Variants in SMC2 observed in about 807,000 individuals in gnomAD.
The protein encoded by SMC2 is structural maintenance of chromosomes protein 2.
Under a neutral mutation model 142.6 loss-of-function variants are expected in SMC2, and 41 were observed. The observed-to-expected ratio is 0.29, with a 90% CI of 0.22 to 0.37. The LOEUF is 0.37. SMC2 is among the 10% of genes least tolerant of loss of function. The pLI is 1.00. For missense variants in SMC2, 1,265 were observed against 1,373.7 expected (o/e 0.92, Z 1.25); for synonymous variants, 463 against 457.5 (o/e 1.01, Z -0.15).
At chr9:104,088,679 C>A in the SMC2 span, among the ~76,000 whole-genome samples, 1 of 152,224 alleles carries the variant, frequency 6.6e-6, no homozygotes, top group East Asian at 1.9e-4. Context: ...CTACTTCTTG[C>A]ATCATACATT....
In SMC2 at chr9:104,134,542, A is replaced by C. The variant is rs982032741; in HGVS notation, c.3236A>C (p.Lys1079Thr). ...AAGGTTGCCTTGGGAAATACCTGGA[A>C]AGAAAACCTAACTGAACTTAGTGGT... ...EFKVALGNTW[K>T]ENLTELSGGQ... Residue 1079 changes from lysine (K) to threonine (T), a missense_variant, in exon 23 of 25, where the codon AAA (lysine) becomes ACA (threonine). By Grantham distance (78) the Lys-to-Thr change is moderately conservative. Around this residue, in one of 4 missense-constraint regions of SMC2, gnomAD observed 192 missense variants for 261.9 expected, o/e 0.73. Coordinates refer to ENST00000374793, the MANE Select transcript of SMC2 (RefSeq NM_006444.3). 3.1e-6 allele frequency: 5 copies of C among 1,610,386 alleles called. No individual in the cohort carries two copies. In the African/African-American group the frequency reaches 5.4e-5, roughly 17 times the overall value.
chr9:104,089,616 A>G (rs78165194), upstream of SMC2, among the ~76,000 whole-genome samples: 24,607 of 152,116 alleles, frequency 0.16, 2,227 homozygotes, highest in African/African-American at 0.2. Context: ...AAACGAATAT[A>G]AAACAAGTAA....
chr9:104,132,813 A>G (rs1046540778), intron 22 of SMC2, among the ~76,000 whole-genome samples: 6 of 150,568 alleles, frequency 4.0e-5, no homozygotes, highest in Non-Finnish European at 8.9e-5. Flanking sequence ...AGTGTGCAGC[A>G]TGTCGATTTA....
intron 23 of SMC2, among the ~76,000 whole-genome samples, chr9:104,134,925 T>C (rs1835370127): frequency 1.3e-5 from 2 of 152,102 alleles, no homozygotes. Flanking sequence ...GTCAGTAGTA[T>C]CACTAAGTTA....
intron 22 of SMC2, among the ~76,000 whole-genome samples, chr9:104,134,055 G>A (rs1372616096): frequency 1.3e-5 from 2 of 151,996 alleles, no homozygotes; most frequent in Non-Finnish European, 2.9e-5. Context: ...TTCCTGCAGT[G>A]TGTTCTACAA....
chr9:104,122,763 AATTAATC>A (rs1348354566), intron 16 of SMC2, among the ~76,000 whole-genome samples: 1 of 152,142 alleles, frequency 6.6e-6, no homozygotes, highest in Non-Finnish European at 1.5e-5. Flanking sequence ...TAATTGTTAT[AATTAATC>A]ATTTTTCGTG....
chr9:104,139,161 A>G lies in SMC2; in HGVS notation c.3440A>G (p.Glu1147Gly), dbSNP rs1186785479. 2 of 1,571,174 alleles carry G rather than the reference A, an allele frequency of 1.3e-6. No homozygotes were observed. Among genetic ancestry groups the G allele is most frequent in the Non-Finnish European group, 1.7e-6 (2 of 1,167,362 alleles). Reference sequence around the variant, plus strand: ...AAGTTCATTGTGGTGTCACTAAAAGAAGGTATGTTCAACAATGCAAACGTT... The same window carrying G: ...AAGTTCATTGTGGTGTCACTAAAAGGAGGTATGTTCAACAATGCAAACGTT... ...HSQFIVVSLK[E>G]GMFNNANVLF... Residue 1147 changes from glutamate to glycine, a missense_variant, in exon 25 of 25, where the codon GAA (glutamate) becomes GGA (glycine). Physicochemically the swap from Glu to Gly is moderately conservative, Grantham distance 98 (BLOSUM62 -2). Transcript: ENST00000374793.
chr9:104,095,697 A>G (rs1179402887), intron 2 of SMC2, 145 bp downstream of exon 2: 58 of 648,362 alleles, frequency 8.9e-5, no homozygotes, highest in Non-Finnish European at 5.3e-6. Flanking sequence ...AAGGAAAGTA[A>G]TATTACTCCT....
chr9:104,137,861 A>C (rs1033228631), intron 23 of SMC2, among the ~76,000 whole-genome samples, 157 bp from the exon 24 acceptor site: 6 of 141,934 alleles, frequency 4.2e-5, no homozygotes, highest in African/African-American at 1.9e-4. Context: ...TAATACAACA[A>C]AAGTGTTAAA....
chr9:104,126,086 T>A (rs759237050), intron 18 of SMC2, among the ~76,000 whole-genome samples: 2 of 152,158 alleles, frequency 1.3e-5, no homozygotes, highest in South Asian at 4.1e-4. Context: ...GAACTGTGCA[T>A]GCAAGGGATC....
intron 23 of SMC2, among the ~76,000 whole-genome samples, chr9:104,137,171 T>C (rs1408787742): frequency 6.6e-6 from 1 of 152,160 alleles, no homozygotes; most frequent in Non-Finnish European, 1.5e-5. Flanking sequence ...GCAGCAAGCA[T>C]TGAGTTGCCT....
intron 20 of SMC2, among the ~76,000 whole-genome samples, chr9:104,129,070 G>C (rs16923732): frequency 6.6e-6 from 1 of 152,112 alleles, no homozygotes; most frequent in Non-Finnish European, 1.5e-5. Context: ...CGTATACTTC[G>C]TAAAAATTTC....
chr9:104,104,275 A>C (rs1342076856), intron 9 of SMC2, among the ~76,000 whole-genome samples: 1 of 152,230 alleles, frequency 6.6e-6, no homozygotes. Flanking sequence ...GCCAGCAGAC[A>C]TAACACATTC....
chr9:104,138,648 A>G (rs1461195376), intron 24 of SMC2, among the ~76,000 whole-genome samples: 1 of 152,162 alleles, frequency 6.6e-6, no homozygotes, highest in Non-Finnish European at 1.5e-5. Flanking sequence ...GCTGCCAAAT[A>G]TGCTTGCATA....
rs770240306 is a variant in SMC2, at chr9:104,139,356, T to G, written c.*41T>G. Reference sequence around the variant, plus strand: ...CTTCATCTTGACCTGTTTTTTTAAATGTAAACTTTTAAGGACTTGAGATAA... The same window carrying G: ...CTTCATCTTGACCTGTTTTTTTAAAGGTAAACTTTTAAGGACTTGAGATAA... On this transcript the variant is annotated 3_prime_UTR_variant, in exon 25 of 25. Transcript: ENST00000374793. 6.0e-6 allele frequency: 9 copies of G among 1,512,232 alleles called. No homozygotes were observed. Among genetic ancestry groups the G allele is most frequent in the Non-Finnish European group, 7.1e-6 (8 of 1,126,150 alleles). The allele number at this position is 1,512,232 out of a possible 1,614,324, so 93.7% of individuals were successfully genotyped here. A position where few individuals can be genotyped will look rare whatever the true frequency, so the allele number is the denominator to read the frequency against.
intron 14 of SMC2, 86 bp from the exon 15 acceptor site, chr9:104,118,083 ATT>A: frequency 1.0e-6 from 1 of 952,670 alleles, no homozygotes. Context: ...TTAAGTTTCT[ATT>A]ACAGCAGTTT....
At chr9:104,128,914 C>T (rs1422365628) in intron 20 of SMC2, among the ~76,000 whole-genome samples, 1 of 152,114 alleles carries the variant, frequency 6.6e-6, no homozygotes, top group Non-Finnish European at 1.5e-5. Context: ...CAGCATTAGG[C>T]TTCCATGATT....
intron 18 of SMC2, 115 bp downstream of exon 18, chr9:104,125,220 G>T (rs1834130668): frequency 8.0e-6 from 6 of 748,666 alleles, no homozygotes; most frequent in Non-Finnish European, 1.1e-5. Context: ...ATCTAAAAGG[G>T]AGCAGTGTTC....
intron 14 of SMC2, among the ~76,000 whole-genome samples, chr9:104,117,195 T>C (rs1193974141): frequency 6.6e-6 from 1 of 152,164 alleles, no homozygotes; most frequent in Non-Finnish European, 1.5e-5. Flanking sequence ...CACCATTAAG[T>C]CAAGAAGGCT....
Sources: allele counts gnomAD v4.1 joint callset (sites outside exome capture counted in the v4.1 genomes callset), GRCh38; gene constraint gnomAD v4.1.1; regional missense constraint gnomAD v4.1.1; transcripts MANE v1.5; gene names NCBI Gene and HGNC (gene_info 2026-07-23, HGNC 2026-07-21).